The following TDRD7 variants were observed in gnomAD, a reference collection of about 807,000 sequenced individuals.
The protein encoded by TDRD7 is tudor domain-containing protein 7.
A neutral mutation model predicts 109.8 loss-of-function variants in TDRD7; 47 were observed. The ratio of observed to expected loss-of-function variants is 0.43; its 90% CI spans 0.34 to 0.55. The LOEUF is 0.55. Ranked by LOEUF, TDRD7 falls within the 20% of genes least tolerant of loss-of-function variation. TDRD7 has a pLI of 0.03. For synonymous variants in TDRD7, 424 were observed against 457.3 expected, an observed-to-expected ratio of 0.93 and a Z score of 0.93; for missense variants, 1,164 against 1,319.2, an observed-to-expected ratio of 0.88 and a Z score of 1.82.
At chr9:97,467,027 A>G (rs1028697151) in intron 8 of TDRD7, among the ~76,000 whole-genome samples, 3 of 152,218 alleles carry the variant, frequency 2.0e-5, no homozygotes, top group African/African-American at 7.2e-5. Context: ...GGGCTTGGGC[A>G]CTAGTCCTGA....
At chr9:97,450,256 A>G (rs562673500) in intron 6 of TDRD7, among the ~76,000 whole-genome samples, 82 of 152,264 alleles carry the variant, frequency 5.4e-4, no homozygotes, top group African/African-American at 1.9e-3. Flanking sequence ...GGACATTCAG[A>G]ACCAAAGAGA....
At chr9:97,437,422 G>A (rs899710693) in intron 4 of TDRD7, among the ~76,000 whole-genome samples, 1 of 152,166 alleles carries the variant, frequency 6.6e-6, no homozygotes, top group African/African-American at 2.4e-5. Flanking sequence ...TCCCAACATG[G>A]CCATTTGCTT....
chr9:97,446,239 C>CCAGAA lies in TDRD7; in HGVS notation c.855+4364_855+4365insCAGAA, dbSNP rs1284869156. 3.3e-5 allele frequency among the ~76,000 whole-genome samples: 5 copies of CCAGAA among 152,306 alleles called. 1 individual carries two copies. In the East Asian group the frequency reaches 9.6e-4, roughly 29 times the overall value. On this transcript the variant is annotated intron_variant, in intron 6 of 16. Transcript: ENST00000355295. ...TCCATTCTTACATTAGCCAGAATATCTGTCTCCCATGTCTTGCCTGAAGCT... is the reference window on the plus strand; with the variant it reads ...TCCATTCTTACATTAGCCAGAATATCCAGAATGTCTCCCATGTCTTGCCTGAAGCT...
chr9:97,421,780 C>T (rs199871867), intron 1 of TDRD7, among the ~76,000 whole-genome samples: 2 of 151,398 alleles, frequency 1.3e-5, no homozygotes, highest in East Asian at 1.9e-4. Context: ...AGGCGAGTCT[C>T]GAACTCCTGA....
chr9:97,457,094 A>G (rs1828628799), intron 6 of TDRD7, among the ~76,000 whole-genome samples: 1 of 152,364 alleles, frequency 6.6e-6, no homozygotes, highest in South Asian at 2.1e-4. Context: ...CATCAGAGAA[A>G]TGTTAATCAA....
intron 16 of TDRD7, among the ~76,000 whole-genome samples, chr9:97,488,560 G>GTTTTTTTTTTT (rs61689126): frequency 1.4e-5 from 2 of 140,650 alleles, no homozygotes; most frequent in African/African-American, 2.6e-5. Context: ...AGATTTAATG[G>GTTTTTTTTTTT]TTTTTTTTTT....
chr9:97,488,261 G>A (rs1007656920), intron 16 of TDRD7, among the ~76,000 whole-genome samples: 1 of 152,306 alleles, frequency 6.6e-6, no homozygotes, highest in East Asian at 1.9e-4. Flanking sequence ...TGATCACTTT[G>A]CTGCTGCTCA....
At position 97,428,328 on chromosome 9, in the gene TDRD7, T is replaced by C. The variant is rs1370095842; in HGVS notation, c.-6-132T>C. 6 of 916,822 alleles carry C rather than the reference T, an allele frequency of 6.5e-6. No individual in the cohort carries two copies. In the East Asian group the frequency reaches 1.3e-4, roughly 20 times the overall value. 56.8% of individuals were successfully genotyped at this position (916,822 alleles called of 1,614,324 possible). Reference sequence around the variant, plus strand: ...TGCTTTTCTCTACCGTGGCAGTTGTTTCCCCATATTGTAATTGCACAGAAA... The same window carrying C: ...TGCTTTTCTCTACCGTGGCAGTTGTCTCCCCATATTGTAATTGCACAGAAA... On this transcript the variant is annotated intron_variant, in intron 1 of 16. Transcript: ENST00000355295.
At chr9:97,440,768 A>G (rs1828289174) in intron 5 of TDRD7, among the ~76,000 whole-genome samples, 1 of 152,158 alleles carries the variant, frequency 6.6e-6, no homozygotes, top group South Asian at 2.1e-4. Context: ...TAAAATATGC[A>G]TATATTTTGC....
chr9:97,436,369 CAT>C (rs1445718279), intron 4 of TDRD7, among the ~76,000 whole-genome samples: 1 of 151,956 alleles, frequency 6.6e-6, no homozygotes. Flanking sequence ...ACATTTTTGT[CAT>C]ATATTTTTTA....
chr9:97,426,924 A>G (rs1049206950), intron 1 of TDRD7, among the ~76,000 whole-genome samples: 8 of 152,160 alleles, frequency 5.3e-5, no homozygotes, highest in Non-Finnish European at 7.4e-5. Context: ...GAAAATGGCT[A>G]TTTGTCTAGA....
At chr9:97,477,385 C>T (rs1829041739) in intron 12 of TDRD7, among the ~76,000 whole-genome samples, 1 of 152,198 alleles carries the variant, frequency 6.6e-6, no homozygotes, top group African/African-American at 2.4e-5. Context: ...GTATACTCCA[C>T]CCTGGCAGTT....
At chr9:97,492,928 G>C (rs1349728392) in intron 16 of TDRD7, among the ~76,000 whole-genome samples, 1 of 152,224 alleles carries the variant, frequency 6.6e-6, no homozygotes, top group Non-Finnish European at 1.5e-5. Flanking sequence ...TAGACTAGAA[G>C]TTTCATGGAA....
At chr9:97,483,699 T>C (rs1554750153) in intron 15 of TDRD7, among the ~76,000 whole-genome samples, 2 of 151,918 alleles carry the variant, frequency 1.3e-5, no homozygotes, top group Non-Finnish European at 2.9e-5. Flanking sequence ...TTTTAAAATA[T>C]AAAAAAAGCA....
At chr9:97,482,095 A>C (rs922686000) in intron 14 of TDRD7, among the ~76,000 whole-genome samples, 8 of 152,216 alleles carry the variant, frequency 5.3e-5, no homozygotes, top group Admixed American at 2.0e-4. Context: ...CTTGGGACAC[A>C]CAGCAGTACA....
chr9:97,420,055 C>G (rs1174853537), intron 1 of TDRD7, among the ~76,000 whole-genome samples: 1 of 151,892 alleles, frequency 6.6e-6, no homozygotes. Context: ...ATGTGCCTAC[C>G]TAAATACTTG....
intron 4 of TDRD7, among the ~76,000 whole-genome samples, chr9:97,434,173 C>G (rs527331257): frequency 6.6e-6 from 1 of 152,292 alleles, no homozygotes; most frequent in East Asian, 1.9e-4. Flanking sequence ...GGAATACTTA[C>G]TCTTCAGCCT....
In TDRD7 at chr9:97,465,013, A is replaced by G. The variant is rs751412166; in HGVS notation, c.1614A>G (p.Glu538=). The change falls in exon 8 of 17, where the codon GAA becomes GAG. Residue 538 remains glutamate (E), a synonymous_variant. Coordinates refer to ENST00000355295, the MANE Select transcript of TDRD7 (RefSeq NM_014290.3). ...TACGGGCACAGGTCATCTCAACAGA[A>G]GAGAACAAAATAAAGGCAAGCACTG... ...AWLRAQVIST[E]ENKIKVCYVD... The G allele has an allele frequency of 6.2e-7, 1 of 1,614,006 alleles. No homozygotes were observed. The highest frequency in any genetic ancestry group is 8.5e-7 in the Non-Finnish European group (1 of 1,179,940).
chr9:97,416,552 A>G (rs528366272), intron 1 of TDRD7, among the ~76,000 whole-genome samples: 10 of 152,304 alleles, frequency 6.6e-5, no homozygotes, highest in South Asian at 2.1e-4. Context: ...GCTCCTTGCA[A>G]TCATGCTGCG....
Sources: gnomAD v4.1 joint callset for allele counts (sites outside exome capture counted in the v4.1 genomes callset) on GRCh38, gnomAD v4.1.1 for gene constraint, MANE v1.5 for transcripts, NCBI Gene and HGNC (gene_info 2026-07-23, HGNC 2026-07-21) for gene names.